ANTXR1: variants seen among roughly 807,000 people sequenced by gnomAD.
ANTXR1 encodes ANTXR cell adhesion molecule 1.
A neutral mutation model predicts 78.1 loss-of-function variants in ANTXR1; 19 were observed. The ratio of observed to expected loss-of-function variants is 0.24; its 90% CI spans 0.17 to 0.36. The LOEUF (loss-of-function observed/expected upper bound fraction) is 0.36. Among genes scored for constraint, ANTXR1 ranks in the 10% least tolerant of loss-of-function variants. The pLI is 1.00. For missense variants in ANTXR1, 518 were observed against 718.6 expected (o/e 0.72, Z 3.19); for synonymous variants, 273 against 260.5 (o/e 1.05, Z -0.46).
chr2:69,014,509 G>C (rs1159251504), intron 1 of ANTXR1, among the ~76,000 whole-genome samples: 1 of 152,184 alleles, frequency 6.6e-6, no homozygotes, highest in African/African-American at 2.4e-5. Flanking sequence ...TTTAGGATTT[G>C]CTCAAGGGAG....
intron 8 of ANTXR1, among the ~76,000 whole-genome samples, chr2:69,080,335 C>A (rs923668206): frequency 1.3e-5 from 2 of 152,050 alleles, no homozygotes; most frequent in Non-Finnish European, 2.9e-5. Flanking sequence ...TCCCCCCCAT[C>A]TGAAGCCTCT....
At chr2:69,102,579 C>A (rs957904710) in intron 9 of ANTXR1, among the ~76,000 whole-genome samples, 5 of 152,148 alleles carry the variant, frequency 3.3e-5, no homozygotes, top group African/African-American at 1.2e-4. Context: ...GGAAGGTGTT[C>A]TGCGTTAGGA....
At chr2:69,075,473 C>T (rs1670701336) in intron 6 of ANTXR1, 117 bp from the exon 7 acceptor site, 1 of 978,640 alleles carries the variant, frequency 1.0e-6, no homozygotes, top group Non-Finnish European at 1.7e-6. Context: ...CAGTATGGCA[C>T]CAGGCACATG....
chr2:69,203,597 T>TA (rs1674824698), intron 17 of ANTXR1, among the ~76,000 whole-genome samples: 3 of 152,146 alleles, frequency 2.0e-5, no homozygotes, highest in Admixed American at 2.0e-4. Flanking sequence ...TCTGAGTAAA[T>TA]ACGTATGAAA....
At chr2:69,142,854 G>A (rs1673107975) in intron 12 of ANTXR1, among the ~76,000 whole-genome samples, 1 of 152,156 alleles carries the variant, frequency 6.6e-6, no homozygotes, top group South Asian at 2.1e-4. Context: ...GGAGAGATAA[G>A]AGAGGGCTTG....
At chr2:69,144,197 G>A (rs2104419197) in intron 12 of ANTXR1, among the ~76,000 whole-genome samples, 1 of 152,300 alleles carries the variant, frequency 6.6e-6, no homozygotes, top group South Asian at 2.1e-4. Context: ...ATCCCTTCCT[G>A]GTGCTCACAG....
At chr2:69,088,776 G>A (rs1308353850) in intron 8 of ANTXR1, among the ~76,000 whole-genome samples, 4 of 152,218 alleles carry the variant, frequency 2.6e-5, no homozygotes, top group Admixed American at 6.5e-5. Flanking sequence ...TAAGGCACTG[G>A]GGAAGCCAGC....
At chr2:69,095,486 T>A (rs543156141) in intron 9 of ANTXR1, among the ~76,000 whole-genome samples, 4 of 152,318 alleles carry the variant, frequency 2.6e-5, no homozygotes, top group African/African-American at 9.6e-5. Context: ...GATGAGGAAA[T>A]ACTGAAGTCA....
At chr2:69,223,677 G>T (rs1374213673) in intron 17 of ANTXR1, among the ~76,000 whole-genome samples, 1 of 152,160 alleles carries the variant, frequency 6.6e-6, no homozygotes, top group Non-Finnish European at 1.5e-5. Context: ...TCTAATTTTT[G>T]AGGAGGTTTG....
Position 69,232,664 on chromosome 2 carries a change from C to T in ANTXR1, c.1435-12561C>T, listed in dbSNP as rs183500399. On this transcript the variant is annotated intron_variant, in intron 17 of 17. Coordinates refer to ENST00000303714, the MANE Select transcript of ANTXR1 (RefSeq NM_032208.3). ...TTTGGAAACATCATAGCCTTAAATT[C>T]TTTCATTATTAAACAAGAAAAAATG... Among the ~76,000 whole-genome samples, 80 of 152,142 alleles carry T rather than the reference C, an allele frequency of 5.3e-4. 1 individual carries two copies. In the East Asian group the frequency reaches 0.015, roughly 28 times the overall value.
In ANTXR1 at chr2:69,089,502, A is replaced by C. The variant is rs76542478; in HGVS notation, c.643-1357A>C. ...TGGAACTAAGTCCACTCTAGCAAGG[A>C]AATAAGCTCCTCAGCATATTTTTTC... On this transcript the variant is annotated intron_variant, in intron 8 of 17. Transcript: ENST00000303714. Among the ~76,000 whole-genome samples the C allele has an allele frequency of 4.9e-3, 749 of 152,322 alleles. 8 individuals are homozygous for C. Among genetic ancestry groups the C allele is most frequent in the African/African-American group, 0.017 (702 of 41,572 alleles).
At chr2:69,170,363 G>A in intron 14 of ANTXR1, 74 bp downstream of exon 14, 1 of 1,535,252 alleles carries the variant, frequency 6.5e-7, no homozygotes. Context: ...TGGGCAGCTG[G>A]ACACTTAGCC....
chr2:69,021,783 A>G (rs1041702590), intron 1 of ANTXR1, among the ~76,000 whole-genome samples: 3 of 152,248 alleles, frequency 2.0e-5, no homozygotes, highest in Non-Finnish European at 4.4e-5. Flanking sequence ...TGAATAAGCA[A>G]GAAAGAAGTA....
At chr2:69,028,272 A>T (rs1011833903) in intron 1 of ANTXR1, among the ~76,000 whole-genome samples, 3 of 152,222 alleles carry the variant, frequency 2.0e-5, no homozygotes, top group African/African-American at 7.2e-5. Flanking sequence ...TTATTCATTA[A>T]AAAACACTAA....
chr2:69,181,689 G>C, intron 14 of ANTXR1, 97 bp from the exon 15 acceptor site: 3 of 1,195,140 alleles, frequency 2.5e-6, no homozygotes, highest in Non-Finnish European at 3.7e-6. Context: ...CAGGCAGTCT[G>C]ACTCTATAAG....
intron 1 of ANTXR1, among the ~76,000 whole-genome samples, chr2:69,027,636 G>GTA (rs1206918698): frequency 1.4e-5 from 2 of 145,092 alleles, no homozygotes; most frequent in Non-Finnish European, 1.5e-5. Context: ...GTGTGTGTGT[G>GTA]TGTATGTGTG....
At chr2:69,198,252 C>A (rs1175735654) in intron 17 of ANTXR1, among the ~76,000 whole-genome samples, 1 of 152,200 alleles carries the variant, frequency 6.6e-6, no homozygotes, top group African/African-American at 2.4e-5. Context: ...CTATGAAACG[C>A]CCATCTCCCC....
intron 1 of ANTXR1, among the ~76,000 whole-genome samples, chr2:69,034,364 T>C (rs1015126847): frequency 4.6e-5 from 7 of 152,132 alleles, no homozygotes; most frequent in African/African-American, 1.7e-4. Context: ...GAAAGAATCT[T>C]CAAGCACAGA....
chr2:69,082,179 A>C (rs1438261931), intron 8 of ANTXR1, among the ~76,000 whole-genome samples: 1 of 152,176 alleles, frequency 6.6e-6, no homozygotes, highest in Non-Finnish European at 1.5e-5. Flanking sequence ...GCAGGGGAGC[A>C]CTTTGCCTCT....
Sources: allele counts gnomAD v4.1 joint callset (sites outside exome capture counted in the v4.1 genomes callset), GRCh38; gene constraint gnomAD v4.1.1; transcripts MANE v1.5; gene names NCBI Gene and HGNC (gene_info 2026-07-23, HGNC 2026-07-21).